The following LRP1B variants were observed in gnomAD, a reference collection of about 807,000 sequenced individuals.
The protein encoded by LRP1B is LDL receptor related protein 1B, also known as low-density lipoprotein receptor-related protein 1B.
LRP1B carries 217 observed loss-of-function variants against 556.6 expected under a neutral mutation model. The observed-to-expected ratio is 0.39, with a 90% CI of 0.35 to 0.44. LRP1B has a LOEUF of 0.44. Among genes scored for constraint, LRP1B ranks in the 20% least tolerant of loss-of-function variants. The pLI, the probability that LRP1B is intolerant of heterozygous loss-of-function variation, is 1.00. For synonymous variants in LRP1B, 2,047 were observed against 1,865.8 expected (o/e 1.10, Z -2.50); for missense variants, 5,053 against 5,620.8 (o/e 0.90, Z 3.23).
intron 6 of LRP1B, among the ~76,000 whole-genome samples, chr2:141,202,977 T>C (rs1019972204): frequency 6.6e-6 from 1 of 152,022 alleles, no homozygotes; most frequent in Non-Finnish European, 1.5e-5. Flanking sequence ...GAACATGCGA[T>C]ACTTGGTTTT....
chr2:141,929,732 C>T (rs957975953), intron 1 of LRP1B, among the ~76,000 whole-genome samples: 7 of 151,762 alleles, frequency 4.6e-5, no homozygotes, highest in East Asian at 1.9e-4. Flanking sequence ...TAGGACAGAA[C>T]GTATGCAATT....
At chr2:141,593,298 C>A (rs899280175) in intron 2 of LRP1B, among the ~76,000 whole-genome samples, 32 of 152,230 alleles carry the variant, frequency 2.1e-4, no homozygotes, top group African/African-American at 7.2e-4. Flanking sequence ...CATTTCATTA[C>A]TCAAAAGTAC....
chr2:141,097,589 C>T (rs1700353240), intron 7 of LRP1B, among the ~76,000 whole-genome samples: 1 of 151,958 alleles, frequency 6.6e-6, no homozygotes, highest in African/African-American at 2.4e-5. Flanking sequence ...TCTTGTCTAC[C>T]TTCTACAAAC....
chr2:141,582,238 A>G (rs554266922), intron 2 of LRP1B, among the ~76,000 whole-genome samples: 2 of 152,362 alleles, frequency 1.3e-5, no homozygotes, highest in South Asian at 4.1e-4. Flanking sequence ...GCCTCAGTGT[A>G]CTGACCAAAC....
At chr2:140,233,914 TCATCTTAAGTTTCACAAAC>T (rs1680580070) in intron 90 of LRP1B, among the ~76,000 whole-genome samples, 3 of 151,332 alleles carry the variant, frequency 2.0e-5, no homozygotes, top group Non-Finnish European at 4.4e-5. Context: ...ATGTACACAG[TCATCTTAAGTTTCACAAAC>T]ATAGCATTTT....
chr2:140,834,236 T>A (rs1202529954), intron 31 of LRP1B, among the ~76,000 whole-genome samples: 1 of 152,144 alleles, frequency 6.6e-6, no homozygotes, highest in Non-Finnish European at 1.5e-5. Flanking sequence ...CATCTGTTTT[T>A]TATTTTTATT....
intron 1 of LRP1B, among the ~76,000 whole-genome samples, chr2:141,948,383 T>A (rs1046805708): frequency 3.3e-5 from 5 of 152,004 alleles, no homozygotes; most frequent in Non-Finnish European, 7.4e-5. Context: ...TTGGCATAAT[T>A]CTTGGCAAAT....
At chr2:140,377,224 C>T (rs373446722) in intron 68 of LRP1B, among the ~76,000 whole-genome samples, 26 of 152,190 alleles carry the variant, frequency 1.7e-4, no homozygotes, top group Admixed American at 1.1e-3. Context: ...TATAGGCGTG[C>T]ACCATCATGC....
chr2:140,281,310 T>G (rs940278484), intron 84 of LRP1B, among the ~76,000 whole-genome samples: 2 of 151,986 alleles, frequency 1.3e-5, no homozygotes, highest in Admixed American at 1.3e-4. Flanking sequence ...CCTAATATTT[T>G]TCTATAGAAA....
intron 37 of LRP1B, among the ~76,000 whole-genome samples, chr2:140,707,797 A>C (rs1256331364): frequency 6.6e-6 from 1 of 152,064 alleles, no homozygotes; most frequent in African/African-American, 2.4e-5. Flanking sequence ...TCATTTTTCA[A>C]GTCTTAAATA....
intron 21 of LRP1B, among the ~76,000 whole-genome samples, chr2:140,922,523 A>G (rs1316291263): frequency 1.3e-5 from 2 of 151,962 alleles, no homozygotes; most frequent in Non-Finnish European, 2.9e-5. Flanking sequence ...AGTCATCTTC[A>G]TTTAAATTTT....
At chr2:141,215,507 A>T (rs1682764682) in intron 6 of LRP1B, among the ~76,000 whole-genome samples, 1 of 152,184 alleles carries the variant, frequency 6.6e-6, no homozygotes, top group Admixed American at 6.5e-5. Flanking sequence ...AGAAGAAGAC[A>T]AGAAGATGAG....
intron 1 of LRP1B, among the ~76,000 whole-genome samples, chr2:142,064,411 T>G (rs1315157161): frequency 1.3e-5 from 2 of 151,612 alleles, no homozygotes; most frequent in Admixed American, 1.3e-4. Flanking sequence ...ATCTAATTAT[T>G]CTTACAACCA....
intron 2 of LRP1B, among the ~76,000 whole-genome samples, chr2:141,744,332 A>G (rs758257992): frequency 5.3e-5 from 8 of 152,048 alleles, no homozygotes; most frequent in Non-Finnish European, 1.0e-4. Flanking sequence ...TTCCACTGTG[A>G]TCAGAGAAAA....
At chr2:140,408,526 G>T (rs931017389) in intron 66 of LRP1B, among the ~76,000 whole-genome samples, 1 of 151,724 alleles carries the variant, frequency 6.6e-6, no homozygotes, top group Non-Finnish European at 1.5e-5. Flanking sequence ...TTGTTGGAGG[G>T]TAAGAAGTGC....
At chr2:141,830,930 C>T (rs1298429129) in intron 1 of LRP1B, among the ~76,000 whole-genome samples, 1 of 151,664 alleles carries the variant, frequency 6.6e-6, no homozygotes, top group East Asian at 1.9e-4. Flanking sequence ...TAAAAATTCT[C>T]CTGGTGCTCA....
intron 2 of LRP1B, among the ~76,000 whole-genome samples, chr2:141,508,316 G>A (rs1471644071): frequency 2.6e-5 from 4 of 152,076 alleles, no homozygotes; most frequent in African/African-American, 9.7e-5. Context: ...ATGGCTGTAT[G>A]TTCATCAGAA....
intron 2 of LRP1B, among the ~76,000 whole-genome samples, chr2:141,580,419 T>A (rs533691787): frequency 1.3e-5 from 2 of 152,318 alleles, no homozygotes; most frequent in African/African-American, 2.4e-5. Context: ...TCTAAATAAT[T>A]TGATCAACTT....
chr2:141,373,385 A>T (rs192273916), intron 3 of LRP1B, among the ~76,000 whole-genome samples: 1 of 152,162 alleles, frequency 6.6e-6, no homozygotes, highest in Non-Finnish European at 1.5e-5. Context: ...ATTTAAATCC[A>T]ATGTTTATGT....
Sources: gnomAD v4.1 joint callset for allele counts (sites outside exome capture counted in the v4.1 genomes callset) on GRCh38, gnomAD v4.1.1 for gene constraint, MANE v1.5 for transcripts, NCBI Gene and HGNC (gene_info 2026-07-23, HGNC 2026-07-21) for gene names.